REDIC1: variants seen among roughly 807,000 people sequenced by gnomAD.
REDIC1 encodes the protein regulator of DNA class I crossover intermediates 1.
the REDIC1 span, among the ~76,000 whole-genome samples, chr12:39,685,751 C>A: frequency 6.6e-6 from 1 of 152,128 alleles, no homozygotes; most frequent in African/African-American, 2.4e-5. Context: ...AAAGTTTCAC[C>A]TGATACAAGG....
At chr12:39,718,896 C>T in the REDIC1 span, among the ~76,000 whole-genome samples, 11 of 152,148 alleles carry the variant, frequency 7.2e-5, no homozygotes, top group Admixed American at 2.0e-4. Context: ...TTAGATCCTT[C>T]AGCTTCCTTT....
the REDIC1 span, among the ~76,000 whole-genome samples, chr12:39,703,319 G>A: frequency 6.7e-6 from 1 of 150,312 alleles, no homozygotes; most frequent in South Asian, 2.2e-4. Flanking sequence ...AATCATGAGT[G>A]AACTCCCATT....
chr12:39,882,896 C>A, the REDIC1 span, among the ~76,000 whole-genome samples: 195 of 152,230 alleles, frequency 1.3e-3, no homozygotes, highest in African/African-American at 4.4e-3. Context: ...CATCATATTT[C>A]TATTTCTATC....
the REDIC1 span, among the ~76,000 whole-genome samples, chr12:39,812,835 C>CT: frequency 0.016 from 2,037 of 127,936 alleles, 27 homozygotes; most frequent in African/African-American, 0.029. Context: ...GTAGTATTAC[C>CT]TTTTTTTTTT....
At chr12:39,701,203 G>A in the REDIC1 span, among the ~76,000 whole-genome samples, 17 of 152,170 alleles carry the variant, frequency 1.1e-4, no homozygotes, top group East Asian at 3.3e-3. Context: ...TACCACGTGC[G>A]GAGACACACA....
chr12:39,649,227 A>G, the REDIC1 span, among the ~76,000 whole-genome samples: 1 of 151,928 alleles, frequency 6.6e-6, no homozygotes. Context: ...TTTCAATCAT[A>G]GTGTCACATC....
At chr12:39,854,675 C>G in the REDIC1 span, among the ~76,000 whole-genome samples, 2 of 152,164 alleles carry the variant, frequency 1.3e-5, no homozygotes, top group Non-Finnish European at 2.9e-5. Flanking sequence ...TCATGGTACC[C>G]TCCTTGCTTG....
the REDIC1 span, among the ~76,000 whole-genome samples, chr12:39,695,629 C>T: frequency 2.0e-5 from 3 of 152,292 alleles, no homozygotes; most frequent in African/African-American, 7.2e-5. Flanking sequence ...GTCCCTGACT[C>T]CCAGTTCTGA....
chr12:39,844,894 G>A, the REDIC1 span, among the ~76,000 whole-genome samples: 3 of 152,060 alleles, frequency 2.0e-5, no homozygotes, highest in East Asian at 5.8e-4. Context: ...AACAGAATAC[G>A]CTTTAGAAAT....
chr12:39,885,572 A>G, the REDIC1 span, among the ~76,000 whole-genome samples: 1 of 152,152 alleles, frequency 6.6e-6, no homozygotes, highest in African/African-American at 2.4e-5. Flanking sequence ...CTTTCTCTGA[A>G]AAGATAAATA....
At chr12:39,741,526 T>C in the REDIC1 span, among the ~76,000 whole-genome samples, 1 of 152,150 alleles carries the variant, frequency 6.6e-6, no homozygotes, top group African/African-American at 2.4e-5. Flanking sequence ...AACGGACAAA[T>C]CAAACTTGCA....
At chr12:39,720,871 T>C in the REDIC1 span, 1 of 1,613,146 alleles carries the variant, frequency 6.2e-7, no homozygotes, top group Admixed American at 1.7e-5. Context: ...AATGAATAAT[T>C]TTTATGTAGA....
the REDIC1 span, among the ~76,000 whole-genome samples, chr12:39,776,270 C>CCCAGTCACT: frequency 6.6e-6 from 1 of 152,020 alleles, no homozygotes. Context: ...ATTTATACTA[C>CCCAGTCACT]ACACTGCTTC....
the REDIC1 span, among the ~76,000 whole-genome samples, chr12:39,787,654 T>C: frequency 1.3e-5 from 2 of 152,200 alleles, no homozygotes; most frequent in African/African-American, 4.8e-5. Flanking sequence ...TATTCAGTAA[T>C]GTAAGCATTA....
At chr12:39,656,385 A>G in the REDIC1 span, among the ~76,000 whole-genome samples, 1 of 152,224 alleles carries the variant, frequency 6.6e-6, no homozygotes, top group Non-Finnish European at 1.5e-5. Context: ...CTATTGTAAT[A>G]TAGTAGCACA....
chr12:39,784,711 C>G, the REDIC1 span, among the ~76,000 whole-genome samples: 2 of 152,146 alleles, frequency 1.3e-5, no homozygotes, highest in Non-Finnish European at 2.9e-5. Flanking sequence ...CAACAAAAGC[C>G]AAAACTGACA....
the REDIC1 span, among the ~76,000 whole-genome samples, chr12:39,899,837 T>A: frequency 6.6e-6 from 1 of 152,174 alleles, no homozygotes; most frequent in Non-Finnish European, 1.5e-5. Flanking sequence ...TGCACTGTGG[T>A]CTGAGAGACA....
At chr12:39,644,030 A>C in the REDIC1 span, 4 of 884,100 alleles carry the variant, frequency 4.5e-6, no homozygotes, top group African/African-American at 7.0e-5. Flanking sequence ...TTAATTTTAA[A>C]ATTTGGTTGC....
chr12:39,665,330 A>G, the REDIC1 span, among the ~76,000 whole-genome samples: 1 of 152,298 alleles, frequency 6.6e-6, no homozygotes, highest in East Asian at 1.9e-4. Context: ...TAAATAGGGA[A>G]TCGTTTCCCC....
Sources: allele counts gnomAD v4.1 joint callset (sites outside exome capture counted in the v4.1 genomes callset), GRCh38; gene constraint gnomAD v4.1.1; transcripts MANE v1.5; gene names NCBI Gene and HGNC (gene_info 2026-07-23, HGNC 2026-07-21).